The following ZBTB20 variants were observed in gnomAD, a reference collection of about 807,000 sequenced individuals.
ZBTB20 encodes the protein zinc finger and BTB domain-containing protein 20.
ZBTB20 carries 9 observed loss-of-function variants against 56.9 expected under a neutral mutation model. The observed-to-expected ratio is 0.16, with a 90% CI of 0.10 to 0.28. The LOEUF is 0.28. Among genes scored for constraint, ZBTB20 ranks in the 10% least tolerant of loss-of-function variants. The pLI, the probability that ZBTB20 is intolerant of heterozygous loss-of-function variation, is 1.00. For missense variants in ZBTB20, 655 were observed against 1,003.0 expected, an observed-to-expected ratio of 0.65 and a Z score of 4.69; for synonymous variants, 417 against 420.7, an observed-to-expected ratio of 0.99 and a Z score of 0.11.
chr3:115,000,765 A>G (rs1295963535), intron 2 of ZBTB20, among the ~76,000 whole-genome samples: 1 of 151,624 alleles, frequency 6.6e-6, no homozygotes, highest in East Asian at 1.9e-4. Context: ...ATCTGGATAA[A>G]CTGGTCTCCA....
At chr3:114,353,593 G>A (rs533780846) in intron 10 of ZBTB20, among the ~76,000 whole-genome samples, 1 of 152,256 alleles carries the variant, frequency 6.6e-6, no homozygotes, top group Admixed American at 6.5e-5. Context: ...TAAATCCCCT[G>A]TAACCATGTG....
intron 2 of ZBTB20, among the ~76,000 whole-genome samples, chr3:115,058,374 C>T (rs1007921323): frequency 1.3e-5 from 2 of 152,022 alleles, no homozygotes; most frequent in Non-Finnish European, 2.9e-5. Context: ...CTTCATTTTT[C>T]TCCTCTTACT....
chr3:114,416,502 C>T (rs967381799), intron 7 of ZBTB20, among the ~76,000 whole-genome samples: 1 of 151,920 alleles, frequency 6.6e-6, no homozygotes, highest in African/African-American at 2.4e-5. Context: ...TATTGTATCC[C>T]CCACTTTCTC....
At chr3:114,528,314 T>C (rs1243994664) in intron 6 of ZBTB20, among the ~76,000 whole-genome samples, 1 of 152,186 alleles carries the variant, frequency 6.6e-6, no homozygotes, top group East Asian at 1.9e-4. Flanking sequence ...GTTCCCTTTT[T>C]CTTTGAAAAT....
rs545313317 is a variant in ZBTB20 at position 114,526,920 on chromosome 3, C to G, written c.-294-26529G>C. ...ATATATGCCTGCTCTCCAGCTCCCC[C>G]TTCTCCCCTCCTCCAGATCTTTTTT... is the stretch of plus-strand genomic sequence containing the variant. On this transcript the variant is annotated intron_variant, in intron 6 of 11. Coordinates refer to ENST00000675478, the MANE Select transcript of ZBTB20 (RefSeq NM_001348800.3). 3.9e-4 allele frequency among the ~76,000 whole-genome samples: 59 copies of G among 152,282 alleles called. 3 individuals are homozygous for G. The South Asian group carries it at 0.012, about 30-fold the overall frequency.
At chr3:114,496,452 G>C (rs1379489796) in intron 7 of ZBTB20, among the ~76,000 whole-genome samples, 1 of 152,190 alleles carries the variant, frequency 6.6e-6, no homozygotes, top group Non-Finnish European at 1.5e-5. Context: ...TCTGCACTCA[G>C]GTCACTGGGG....
intron 7 of ZBTB20, chr3:114,419,122 C>T (rs916592681): frequency 6.6e-6 from 1 of 152,112 alleles, no homozygotes; most frequent in Admixed American, 6.6e-5. Flanking sequence ...TGCCAAAGAT[C>T]CATTGTGTAA....
chr3:114,616,347 A>G (rs1397146984), intron 6 of ZBTB20, among the ~76,000 whole-genome samples: 3 of 152,216 alleles, frequency 2.0e-5, no homozygotes, highest in Non-Finnish European at 2.9e-5. Context: ...TGCCGATTAA[A>G]TATTTTGCAC....
intron 6 of ZBTB20, among the ~76,000 whole-genome samples, chr3:114,537,181 T>A (rs1559927747): frequency 6.6e-6 from 1 of 152,110 alleles, no homozygotes; most frequent in Non-Finnish European, 1.5e-5. Flanking sequence ...CAAAAGAAAC[T>A]ATCATCAGAG....
At chr3:114,412,482 C>A (rs1016883278) in intron 7 of ZBTB20, among the ~76,000 whole-genome samples, 3 of 152,116 alleles carry the variant, frequency 2.0e-5, no homozygotes, top group Non-Finnish European at 4.4e-5. Flanking sequence ...CTGGGTGTAT[C>A]GCTCACTCAA....
chr3:115,091,817 G>A (rs964926585), intron 1 of ZBTB20, among the ~76,000 whole-genome samples: 1 of 151,988 alleles, frequency 6.6e-6, no homozygotes, highest in East Asian at 1.9e-4. Context: ...AATGCCAATA[G>A]AAGGTTCTGG....
intron 7 of ZBTB20, among the ~76,000 whole-genome samples, chr3:114,481,784 T>C (rs1290816095): frequency 6.6e-6 from 1 of 152,238 alleles, no homozygotes; most frequent in Non-Finnish European, 1.5e-5. Context: ...GATGGTGCTA[T>C]TGATGCCCAG....
chr3:114,523,225 C>T (rs895400680), intron 6 of ZBTB20, among the ~76,000 whole-genome samples: 1 of 152,148 alleles, frequency 6.6e-6, no homozygotes, highest in Admixed American at 6.5e-5. Context: ...TCAGGAAAGA[C>T]AAAGACTGCC....
intron 5 of ZBTB20, among the ~76,000 whole-genome samples, chr3:114,782,999 T>C (rs1451847074): frequency 6.6e-6 from 1 of 152,196 alleles, no homozygotes; most frequent in East Asian, 1.9e-4. Context: ...AATTCATTTA[T>C]TCATGAATAT....
chr3:115,026,197 A>G (rs986131105), intron 2 of ZBTB20, among the ~76,000 whole-genome samples: 2 of 150,988 alleles, frequency 1.3e-5, no homozygotes, highest in African/African-American at 4.8e-5. Context: ...TAAGTTAGGT[A>G]AGGTCCATTT....
intron 10 of ZBTB20, chr3:114,356,191 G>A (rs1222992510): frequency 6.6e-6 from 1 of 152,156 alleles, no homozygotes; most frequent in Admixed American, 6.5e-5. Flanking sequence ...GGTGAGTACC[G>A]AAGGGAAAAT....
chr3:114,978,667 GGTGTGTGT>G (rs3086036), intron 2 of ZBTB20, among the ~76,000 whole-genome samples: 1 of 149,516 alleles, frequency 6.7e-6, no homozygotes, highest in African/African-American at 2.5e-5. Flanking sequence ...GTATGTACCA[GGTGTGTGT>G]GTGTGTGTGT....
chr3:114,561,020 C>T (rs2051964522), intron 6 of ZBTB20, among the ~76,000 whole-genome samples: 1 of 152,092 alleles, frequency 6.6e-6, no homozygotes, highest in African/African-American at 2.4e-5. Flanking sequence ...GAATCTTTAC[C>T]AGGAGTAGAT....
At chr3:114,772,741 T>C (rs1341656287) in intron 5 of ZBTB20, among the ~76,000 whole-genome samples, 1 of 150,798 alleles carries the variant, frequency 6.6e-6, no homozygotes, top group East Asian at 1.9e-4. Flanking sequence ...ACTCATTCTT[T>C]TAGAATTCAT....
Sources: gnomAD v4.1 joint callset for allele counts (sites outside exome capture counted in the v4.1 genomes callset) on GRCh38, gnomAD v4.1.1 for gene constraint, MANE v1.5 for transcripts, NCBI Gene and HGNC (gene_info 2026-07-23, HGNC 2026-07-21) for gene names.